PTPRD: variants seen among roughly 807,000 people sequenced by gnomAD.
PTPRD encodes the protein receptor-type tyrosine-protein phosphatase delta.
PTPRD carries 34 observed loss-of-function variants against 214.5 expected under a neutral mutation model. The ratio of observed to expected loss-of-function variants is 0.16; its 90% CI spans 0.12 to 0.21. The LOEUF (loss-of-function observed/expected upper bound fraction) is 0.21. Ranked by LOEUF, PTPRD falls within the 10% of genes least tolerant of loss-of-function variation. The pLI, the probability that PTPRD is intolerant of heterozygous loss-of-function variation, is 1.00. For missense variants in PTPRD, 2,545 were observed against 2,398.7 expected (o/e 1.06, Z -1.27); for synonymous variants, 1,128 against 845.7 (o/e 1.33, Z -5.79).
chr9:10,240,089 C>T (rs2099642507), intron 3 of PTPRD, among the ~76,000 whole-genome samples: 1 of 151,910 alleles, frequency 6.6e-6, no homozygotes, highest in Admixed American at 6.6e-5. Context: ...AGTTGTCCCA[C>T]CCAATCTATT....
At chr9:9,021,213 C>T (rs984750171) in intron 10 of PTPRD, among the ~76,000 whole-genome samples, 8 of 152,062 alleles carry the variant, frequency 5.3e-5, no homozygotes, top group Non-Finnish European at 8.8e-5. Context: ...TTATGTGCTG[C>T]ATAACATATC....
At chr9:9,432,985 T>C (rs1374244041) in intron 8 of PTPRD, among the ~76,000 whole-genome samples, 1 of 152,130 alleles carries the variant, frequency 6.6e-6, no homozygotes, top group East Asian at 1.9e-4. Flanking sequence ...AAATAGTCAC[T>C]GTGGTAGAAT....
chr9:9,936,330 C>T (rs2089387770), intron 5 of PTPRD, among the ~76,000 whole-genome samples: 1 of 151,786 alleles, frequency 6.6e-6, no homozygotes, highest in African/African-American at 2.4e-5. Context: ...ACCTACTCAT[C>T]TGACAAAGGG....
intron 5 of PTPRD, among the ~76,000 whole-genome samples, chr9:9,907,078 G>A (rs1407015681): frequency 1.3e-5 from 2 of 151,740 alleles, no homozygotes; most frequent in African/African-American, 4.8e-5. Flanking sequence ...ATCCTTATAT[G>A]GTCAGTTCCT....
intron 9 of PTPRD, among the ~76,000 whole-genome samples, chr9:9,344,178 G>A (rs2047920935): frequency 6.6e-6 from 1 of 151,954 alleles, no homozygotes; most frequent in Non-Finnish European, 1.5e-5. Context: ...TCCCTTGCAG[G>A]GCCATGGATG....
Position 9,740,234 on chromosome 9 carries a change from C to T in PTPRD, c.-325-5663G>A, listed in dbSNP as rs887079449. Reference sequence around the variant, plus strand: ...TGATTTGGGATTCATCTTTCTTTCCCTATAAGCTACATCATTTTTCCTTGT... The same window carrying T: ...TGATTTGGGATTCATCTTTCTTTCCTTATAAGCTACATCATTTTTCCTTGT... On this transcript the variant is annotated intron_variant, in intron 6 of 45. Transcript: ENST00000381196. 1.2e-4 allele frequency among the ~76,000 whole-genome samples: 18 copies of T among 152,248 alleles called. No individual in the cohort carries two copies. The East Asian group carries it at 2.9e-3, about 24-fold the overall frequency.
intron 10 of PTPRD, among the ~76,000 whole-genome samples, chr9:9,155,997 T>C (rs576607822): frequency 6.6e-6 from 1 of 152,112 alleles, no homozygotes; most frequent in Non-Finnish European, 1.5e-5. Context: ...TCATTCTTAC[T>C]AATAGGCTAT....
intron 3 of PTPRD, among the ~76,000 whole-genome samples, chr9:10,265,949 T>C (rs2094024470): frequency 6.6e-6 from 1 of 152,216 alleles, no homozygotes; most frequent in Admixed American, 6.5e-5. Flanking sequence ...GAATAAGAAA[T>C]GCTTGCATTT....
chr9:10,078,148 A>G (rs1168222630), intron 3 of PTPRD, among the ~76,000 whole-genome samples: 1 of 152,008 alleles, frequency 6.6e-6, no homozygotes, highest in African/African-American at 2.4e-5. Flanking sequence ...TTAAACATAC[A>G]TACATTTCTA....
At chr9:8,863,557 A>T (rs543968953) in intron 11 of PTPRD, among the ~76,000 whole-genome samples, 1 of 152,238 alleles carries the variant, frequency 6.6e-6, no homozygotes, top group Non-Finnish European at 1.5e-5. Context: ...AGGCCCATTA[A>T]TGCATACATT....
chr9:10,051,547 C>A (rs2097535099), intron 3 of PTPRD, among the ~76,000 whole-genome samples: 1 of 151,674 alleles, frequency 6.6e-6, no homozygotes, highest in South Asian at 2.1e-4. Flanking sequence ...TGTGCTGCAC[C>A]CATTAACTCG....
intron 2 of PTPRD, among the ~76,000 whole-genome samples, chr9:10,601,096 G>A (rs760906845): frequency 6.6e-6 from 1 of 151,618 alleles, no homozygotes; most frequent in African/African-American, 2.4e-5. Context: ...GTCACACCAA[G>A]ATTTTTTCTT....
At chr9:10,249,317 G>T (rs531849389) in intron 3 of PTPRD, among the ~76,000 whole-genome samples, 15 of 152,252 alleles carry the variant, frequency 9.9e-5, no homozygotes, top group South Asian at 4.1e-4. Context: ...AACATAAAAA[G>T]ACATCATTGT....
chr9:9,887,691 G>C (rs2071491692), intron 5 of PTPRD, among the ~76,000 whole-genome samples: 1 of 152,094 alleles, frequency 6.6e-6, no homozygotes, highest in Admixed American at 6.6e-5. Flanking sequence ...GACCTAACTT[G>C]CACTTCCTTA....
chr9:8,926,288 T>C (rs978113736), intron 11 of PTPRD, among the ~76,000 whole-genome samples: 7 of 152,182 alleles, frequency 4.6e-5, no homozygotes, highest in Non-Finnish European at 8.8e-5. Context: ...ATCAACCCAA[T>C]CTGTATAGGT....
intron 3 of PTPRD, among the ~76,000 whole-genome samples, chr9:10,086,228 G>C (rs890290812): frequency 6.6e-6 from 1 of 151,762 alleles, no homozygotes; most frequent in Admixed American, 6.6e-5. Flanking sequence ...CAGCGCTGTA[G>C]ACTTATTTGC....
chr9:10,285,605 C>CAA (rs1430260000), intron 3 of PTPRD, among the ~76,000 whole-genome samples: 1 of 104,094 alleles, frequency 9.6e-6, no homozygotes, highest in Non-Finnish European at 1.9e-5. Flanking sequence ...GGGGTCTCAT[C>CAA]TTTTTTTTTT....
chr9:8,834,936 A>G (rs571195875), intron 11 of PTPRD, among the ~76,000 whole-genome samples: 1 of 152,304 alleles, frequency 6.6e-6, no homozygotes, highest in Admixed American at 6.5e-5. Flanking sequence ...GGTTATTCAG[A>G]GCAAATAATA....
At chr9:9,925,343 T>C (rs967993923) in intron 5 of PTPRD, among the ~76,000 whole-genome samples, 2 of 152,054 alleles carry the variant, frequency 1.3e-5, no homozygotes, top group Admixed American at 1.3e-4. Flanking sequence ...ATATTTAATA[T>C]AGTCAAAGTT....
Sources: gnomAD v4.1 joint callset for allele counts (sites outside exome capture counted in the v4.1 genomes callset) on GRCh38, gnomAD v4.1.1 for gene constraint, MANE v1.5 for transcripts, NCBI Gene and HGNC (gene_info 2026-07-23, HGNC 2026-07-21) for gene names.